Variants in MAGI1 observed in about 807,000 individuals in gnomAD.
The protein encoded by MAGI1 is membrane associated guanylate kinase, WW and PDZ domain containing 1.
MAGI1 carries 58 observed loss-of-function variants against 139.9 expected under a neutral mutation model. That is an observed-to-expected ratio of 0.41 (90% CI 0.34 to 0.52). The LOEUF (loss-of-function observed/expected upper bound fraction) is 0.52. Ranked by LOEUF, MAGI1 falls within the 20% of genes least tolerant of loss-of-function variation. MAGI1 has a pLI of 0.12. For synonymous variants in MAGI1, 812 were observed against 737.9 expected (o/e 1.10, Z -1.63); for missense variants, 1,874 against 1,901.6 (o/e 0.99, Z 0.27).
chr3:65,763,359 C>G (rs1428132607), intron 1 of MAGI1, among the ~76,000 whole-genome samples: 1 of 152,128 alleles, frequency 6.6e-6, no homozygotes, highest in East Asian at 1.9e-4. Context: ...GTTCCCATGT[C>G]ACAAAAGACT....
chr3:65,394,668 G>C (rs1000990937), intron 13 of MAGI1, among the ~76,000 whole-genome samples: 1 of 116,122 alleles, frequency 8.6e-6, no homozygotes, highest in Admixed American at 9.4e-5. Context: ...TGGGTGTGAG[G>C]GGAGTTCAAA....
intron 1 of MAGI1, among the ~76,000 whole-genome samples, chr3:65,660,835 C>T: frequency 6.6e-6 from 1 of 152,166 alleles, no homozygotes; most frequent in African/African-American, 2.4e-5. Context: ...TATTACAATA[C>T]TTTGGACCCA....
chr3:65,925,241 T>C (rs574322532), intron 1 of MAGI1: 1 of 152,360 alleles, frequency 6.6e-6, no homozygotes, highest in South Asian at 2.1e-4. Context: ...TTCCACTGAA[T>C]TGTCCTTGAA....
intron 2 of MAGI1, among the ~76,000 whole-genome samples, chr3:65,600,073 A>C (rs573573321): frequency 6.6e-6 from 1 of 152,354 alleles, no homozygotes; most frequent in African/African-American, 2.4e-5. Flanking sequence ...GAAAAAGAAA[A>C]GCAGATACTA....
chr3:65,828,522 G>A (rs142945214), intron 1 of MAGI1, among the ~76,000 whole-genome samples: 1 of 152,232 alleles, frequency 6.6e-6, no homozygotes, highest in African/African-American at 2.4e-5. Context: ...GAGCCCTATT[G>A]ATGTCACTAA....
intron 1 of MAGI1, among the ~76,000 whole-genome samples, chr3:65,923,061 T>C (rs969959825): frequency 4.6e-5 from 7 of 152,168 alleles, no homozygotes; most frequent in African/African-American, 1.7e-4. Context: ...AAAATTTGAT[T>C]ATTCCATACT....
At chr3:65,410,422 T>C (rs1006321646) in intron 12 of MAGI1, among the ~76,000 whole-genome samples, 1 of 152,228 alleles carries the variant, frequency 6.6e-6, no homozygotes, top group Non-Finnish European at 1.5e-5. Context: ...TAGCTGGGGA[T>C]ACTTGGTCTA....
intron 1 of MAGI1, among the ~76,000 whole-genome samples, chr3:65,947,648 G>A (rs1036388690): frequency 6.6e-6 from 1 of 151,970 alleles, no homozygotes; most frequent in Admixed American, 6.6e-5. Context: ...ACGGGGTCTC[G>A]GTCTGTTACC....
intron 1 of MAGI1, among the ~76,000 whole-genome samples, chr3:65,856,121 T>G (rs904184995): frequency 6.6e-6 from 1 of 152,142 alleles, no homozygotes; most frequent in Non-Finnish European, 1.5e-5. Context: ...GAGGAGTATT[T>G]TATTATGTTT....
chr3:65,361,269 T>A lies in MAGI1; in HGVS notation c.3564A>T (p.Glu1188Asp). The change falls in exon 22 of 23, where the codon GAA becomes GAT. Residue 1188 changes from glutamate (E) to aspartate (D), a missense_variant. Transcript: ENST00000402939. ...TKNMKHSRAI[E>D]LIKNGGRRVR... ...CTCTGCGGCCACCATTCTTAATCAG[T>A]TCTATAGCTCGAGAATGCTTCATGT... 1 of 1,614,160 alleles carries A rather than the reference T, an allele frequency of 6.2e-7. No individual in the cohort carries two copies. The highest frequency in any genetic ancestry group is 2.2e-5 in the East Asian group (1 of 44,878).
chr3:65,681,156 T>C (rs998625558), intron 1 of MAGI1, among the ~76,000 whole-genome samples: 3 of 152,222 alleles, frequency 2.0e-5, no homozygotes, highest in Admixed American at 2.0e-4. Context: ...TACTATTTTG[T>C]CTATTGGCTA....
chr3:65,874,315 A>AC (rs1472996582), intron 1 of MAGI1: 1 of 151,998 alleles, frequency 6.6e-6, no homozygotes, highest in Non-Finnish European at 1.5e-5. Flanking sequence ...GTCTCAAAAA[A>AC]TTTTTTAAGA....
intron 12 of MAGI1, among the ~76,000 whole-genome samples, chr3:65,408,065 T>C (rs1288137208): frequency 1.3e-5 from 2 of 152,220 alleles, no homozygotes; most frequent in Non-Finnish European, 2.9e-5. Flanking sequence ...ATTTTGCATA[T>C]AATTTCAGGG....
intron 1 of MAGI1, among the ~76,000 whole-genome samples, chr3:65,650,570 G>T (rs747665547): frequency 6.6e-6 from 1 of 152,224 alleles, no homozygotes; most frequent in Non-Finnish European, 1.5e-5. Context: ...AGTCTCCTGT[G>T]GAGGGAGCAC....
At chr3:65,371,863 G>A (rs1942034663) in intron 18 of MAGI1, 3 of 433,760 alleles carry the variant, frequency 6.9e-6, no homozygotes, top group South Asian at 5.0e-5. Context: ...CGGCAATTAA[G>A]TCACATCTTC....
At chr3:65,685,752 T>C (rs984140628) in intron 1 of MAGI1, among the ~76,000 whole-genome samples, 1 of 152,226 alleles carries the variant, frequency 6.6e-6, no homozygotes, top group Non-Finnish European at 1.5e-5. Context: ...GAGGAGTATG[T>C]TGCTCTGAAT....
intron 1 of MAGI1, among the ~76,000 whole-genome samples, chr3:65,678,067 C>A (rs191603961): frequency 6.6e-6 from 1 of 152,282 alleles, no homozygotes; most frequent in East Asian, 1.9e-4. Flanking sequence ...CTAATTAACA[C>A]AGGAACAGAA....
intron 1 of MAGI1, among the ~76,000 whole-genome samples, chr3:65,994,650 G>C (rs2066348041): frequency 6.6e-6 from 1 of 152,206 alleles, no homozygotes; most frequent in African/African-American, 2.4e-5. Flanking sequence ...AGCTCCCTGA[G>C]CTATCTGTTG....
intron 1 of MAGI1, among the ~76,000 whole-genome samples, chr3:65,988,900 C>T (rs555329374): frequency 6.6e-6 from 1 of 152,080 alleles, no homozygotes; most frequent in Non-Finnish European, 1.5e-5. Context: ...AGTTAACAGA[C>T]CATTTTAAAA....
Sources: gnomAD v4.1 joint callset for allele counts (sites outside exome capture counted in the v4.1 genomes callset) on GRCh38, gnomAD v4.1.1 for gene constraint, MANE v1.5 for transcripts, NCBI Gene and HGNC (gene_info 2026-07-23, HGNC 2026-07-21) for gene names.